Variants in CADM1 observed in about 807,000 individuals in gnomAD.
The protein encoded by CADM1 is TSLC-1.
CADM1 carries 15 observed loss-of-function variants against 53.1 expected under a neutral mutation model. The ratio of observed to expected loss-of-function variants is 0.28; its 90% confidence interval spans 0.19 to 0.44. CADM1 has a LOEUF of 0.44. Ranked by LOEUF, CADM1 falls within the 20% of genes least tolerant of loss-of-function variation. The probability of loss-of-function intolerance (pLI) is 1.00; values close to 1 mark genes in which losing one functional copy is unlikely to be tolerated. For missense variants in CADM1, 434 were observed against 611.3 expected (o/e 0.71, Z 3.06); for synonymous variants, 281 against 243.0 (o/e 1.16, Z -1.45).
intron 1 of CADM1, among the ~76,000 whole-genome samples, chr11:115,329,865 T>C (rs1945086022): frequency 6.6e-6 from 1 of 151,160 alleles, no homozygotes; most frequent in Admixed American, 6.6e-5. Flanking sequence ...GTTTGACCAT[T>C]CCATGGACCA....
intron 10 of CADM1, chr11:115,190,680 T>A: frequency 1.8e-6 from 1 of 559,724 alleles, no homozygotes; most frequent in East Asian, 2.8e-5. Context: ...AATTAAATTG[T>A]CCCCATTCCG....
intron 10 of CADM1, among the ~76,000 whole-genome samples, chr11:115,188,385 A>G (rs1939679286): frequency 6.6e-6 from 1 of 152,212 alleles, no homozygotes; most frequent in Admixed American, 6.5e-5. Context: ...TGAACTACAT[A>G]CGAGCATAAT....
chr11:115,256,097 T>C (rs143252767), intron 1 of CADM1, among the ~76,000 whole-genome samples: 218 of 152,126 alleles, frequency 1.4e-3, no homozygotes, highest in African/African-American at 4.9e-3. Context: ...AAACAGCAAA[T>C]AGAGAAATAA....
chr11:115,419,580 C>T (rs184160212), intron 1 of CADM1, among the ~76,000 whole-genome samples: 78 of 152,246 alleles, frequency 5.1e-4, no homozygotes, highest in Non-Finnish European at 9.6e-4. Context: ...TTGGTGAAAG[C>T]TCTGTTTTCA....
intron 1 of CADM1, among the ~76,000 whole-genome samples, chr11:115,455,690 A>G (rs749710807): frequency 1.4e-4 from 21 of 152,158 alleles, no homozygotes; most frequent in Admixed American, 5.2e-4. Flanking sequence ...CTTCCCTACA[A>G]AAAACAAAAA....
chr11:115,333,641 G>GTA (rs1945188721), intron 1 of CADM1: 2 of 152,122 alleles, frequency 1.3e-5, no homozygotes, highest in Non-Finnish European at 2.9e-5. Context: ...TTTCACGTTG[G>GTA]TATATAGAAT....
chr11:115,283,896 T>C (rs1211692330), intron 1 of CADM1, among the ~76,000 whole-genome samples: 4 of 152,180 alleles, frequency 2.6e-5, no homozygotes, highest in South Asian at 2.1e-4. Flanking sequence ...TTGCCCACCT[T>C]GTTCAGCGTG....
At chr11:115,264,807 A>C (rs1943083625) in intron 1 of CADM1, among the ~76,000 whole-genome samples, 3 of 152,240 alleles carry the variant, frequency 2.0e-5, no homozygotes, top group Admixed American at 2.0e-4. Context: ...AATAAACAGC[A>C]GCTATCATAT....
chr11:115,312,458 G>C (rs1308095134), intron 1 of CADM1, among the ~76,000 whole-genome samples: 2 of 152,144 alleles, frequency 1.3e-5, no homozygotes, highest in Admixed American at 6.5e-5. Flanking sequence ...TAATCCATTA[G>C]TAGTAGCCTC....
intron 1 of CADM1, among the ~76,000 whole-genome samples, chr11:115,450,728 G>A (rs1437246161): frequency 6.6e-6 from 1 of 152,200 alleles, no homozygotes; most frequent in Non-Finnish European, 1.5e-5. Context: ...ATGGAAAATG[G>A]CTATCATTGC....
intron 1 of CADM1, among the ~76,000 whole-genome samples, chr11:115,424,871 C>T (rs1947852777): frequency 6.6e-6 from 1 of 152,068 alleles, no homozygotes; most frequent in African/African-American, 2.4e-5. Flanking sequence ...AACAACAAAA[C>T]CCATGATCCA....
chr11:115,198,713 A>G (rs1266250283), intron 8 of CADM1, among the ~76,000 whole-genome samples: 1 of 152,188 alleles, frequency 6.6e-6, no homozygotes, highest in African/African-American at 2.4e-5. Context: ...TTGCTAGTCA[A>G]TAGTCAGGTG....
intron 1 of CADM1, among the ~76,000 whole-genome samples, chr11:115,343,090 C>T (rs1489797935): frequency 6.6e-6 from 1 of 151,968 alleles, no homozygotes; most frequent in East Asian, 1.9e-4. Flanking sequence ...GTATTGTGTC[C>T]TTATTTGAAG....
chr11:115,311,155 C>T (rs1944521918), intron 1 of CADM1, among the ~76,000 whole-genome samples: 1 of 152,132 alleles, frequency 6.6e-6, no homozygotes, highest in Non-Finnish European at 1.5e-5. Context: ...TAATGAAAGA[C>T]ACTATTTGAC....
chr11:115,193,447 GC>G (rs1166228731), intron 9 of CADM1, among the ~76,000 whole-genome samples: 3 of 152,168 alleles, frequency 2.0e-5, no homozygotes, highest in Non-Finnish European at 4.4e-5. Flanking sequence ...CATCTCTTCT[GC>G]AGAGATGAGT....
chr11:115,296,328 C>T (rs750219241), intron 1 of CADM1, among the ~76,000 whole-genome samples: 14 of 152,082 alleles, frequency 9.2e-5, no homozygotes, highest in African/African-American at 3.1e-4. Flanking sequence ...TAAGTTTGCC[C>T]GCACCAAAAC....
chr11:115,236,350 GACA>G (rs1942011065), intron 3 of CADM1, among the ~76,000 whole-genome samples: 1 of 152,130 alleles, frequency 6.6e-6, no homozygotes, highest in African/African-American at 2.4e-5. Flanking sequence ...AAACACTGAT[GACA>G]ACAATTTTAC....
intron 1 of CADM1, among the ~76,000 whole-genome samples, chr11:115,476,234 G>C (rs1253915643): frequency 6.6e-6 from 1 of 152,048 alleles, no homozygotes; most frequent in South Asian, 2.1e-4. Context: ...AGAGTCTCAA[G>C]AATATAACTT....
At chr11:115,356,770 T>C (rs927815495) in intron 1 of CADM1, among the ~76,000 whole-genome samples, 1 of 152,228 alleles carries the variant, frequency 6.6e-6, no homozygotes, top group Non-Finnish European at 1.5e-5. Context: ...TTGTGTTTAA[T>C]GTACTACTAT....
Sources: allele counts gnomAD v4.1 joint callset (sites outside exome capture counted in the v4.1 genomes callset), GRCh38; gene constraint gnomAD v4.1.1; transcripts MANE v1.5; gene names NCBI Gene and HGNC (gene_info 2026-07-23, HGNC 2026-07-21).